The following VAC14 variants were observed in gnomAD, a reference collection of about 807,000 sequenced individuals.
VAC14 encodes the protein protein VAC14 homolog.
In VAC14, 47 loss-of-function variants were observed where a neutral mutation model predicts 85.3. The observed-to-expected ratio is 0.55, with a 90% confidence interval of 0.44 to 0.70. VAC14 has a LOEUF of 0.70. Ranked by LOEUF, VAC14 falls within the 30% of genes least tolerant of loss-of-function variation. The probability of loss-of-function intolerance (pLI) is 0.00; values close to 1 mark genes in which losing one functional copy is unlikely to be tolerated. For synonymous variants in VAC14, 447 were observed against 430.5 expected, an observed-to-expected ratio of 1.04 and a Z score of -0.47; for missense variants, 861 against 1,004.3, an observed-to-expected ratio of 0.86 and a Z score of 1.93.
chr16:70,730,121 A>G (rs2054546738), intron 14 of VAC14, among the ~76,000 whole-genome samples: 1 of 151,812 alleles, frequency 6.6e-6, no homozygotes, highest in African/African-American at 2.4e-5. Context: ...TCACCAGACA[A>G]ATCTACTTCC....
chr16:70,786,328 G>C lies in VAC14; in HGVS notation c.142C>G (p.Gln48Glu). 6.2e-7 allele frequency: 1 copy of C among 1,614,220 alleles called. No homozygotes were observed. Among genetic ancestry groups the C allele is most frequent in the Non-Finnish European group, 8.5e-7 (1 of 1,180,048 alleles). Reference protein sequence around the residue: ...REFVAQNNTVQIKHVIQTLSQ... With the variant: ...REFVAQNNTVEIKHVIQTLSQ... ...AGGGTCTGGATCACATGCTTGATTT[G>C]CACGGTATTGTTCTGGGCCACGAAC... The change falls in exon 2 of 19, where the codon CAA (glutamine) becomes GAA (glutamate). Residue 48 changes from glutamine to glutamate, a missense_variant. Transcript: ENST00000261776.
chr16:70,764,543 C>T (rs562354764), intron 10 of VAC14, among the ~76,000 whole-genome samples: 4 of 152,266 alleles, frequency 2.6e-5, no homozygotes, highest in African/African-American at 7.2e-5. Flanking sequence ...AGAAATACAA[C>T]GCAAGTCACA....
At chr16:70,700,009 C>T (rs1011849705) in intron 14 of VAC14, 1 of 152,120 alleles carries the variant, frequency 6.6e-6, no homozygotes, top group Non-Finnish European at 1.5e-5. Flanking sequence ...TGCTCAGTGA[C>T]GTGAGCCACA....
At chr16:70,735,103 G>A (rs926660563) in intron 13 of VAC14, among the ~76,000 whole-genome samples, 7 of 152,180 alleles carry the variant, frequency 4.6e-5, no homozygotes, top group African/African-American at 1.4e-4. Context: ...GAGGATGCAG[G>A]AAATGACGCT....
chr16:70,767,113 A>T (rs1411818324), intron 10 of VAC14, among the ~76,000 whole-genome samples: 1 of 152,188 alleles, frequency 6.6e-6, no homozygotes, highest in Non-Finnish European at 1.5e-5. Context: ...TTCATGGAGC[A>T]TTTTCTCATA....
At chr16:70,785,990 G>T in intron 2 of VAC14, 121 bp from the exon 3 acceptor site, 1 of 1,347,222 alleles carries the variant, frequency 7.4e-7, no homozygotes. Flanking sequence ...GTGAGGGCTG[G>T]GCTCAAAGAC....
chr16:70,784,645 A>G (rs1468527938), intron 4 of VAC14, 131 bp downstream of exon 4: 1 of 890,586 alleles, frequency 1.1e-6, no homozygotes, highest in Admixed American at 1.9e-5. Context: ...ACTGCACACC[A>G]GGGAGTACAT....
intron 13 of VAC14, among the ~76,000 whole-genome samples, chr16:70,741,539 C>G (rs1409840375): frequency 6.6e-6 from 1 of 152,238 alleles, no homozygotes; most frequent in African/African-American, 2.4e-5. Flanking sequence ...TGCTTGGAGC[C>G]TTGAGGCCCA....
chr16:70,700,771 G>A (rs1412325885), intron 14 of VAC14, among the ~76,000 whole-genome samples: 1 of 152,190 alleles, frequency 6.6e-6, no homozygotes, highest in Non-Finnish European at 1.5e-5. Context: ...TGTTCCAGAA[G>A]GGCAGGCACA....
intron 14 of VAC14, among the ~76,000 whole-genome samples, chr16:70,729,233 C>T (rs928864528): frequency 1.3e-5 from 2 of 152,304 alleles, no homozygotes; most frequent in African/African-American, 2.4e-5. Context: ...AAGAGCTATC[C>T]GGCTCCAATG....
chr16:70,707,359 G>T (rs2053940931), intron 14 of VAC14, among the ~76,000 whole-genome samples: 1 of 152,246 alleles, frequency 6.6e-6, no homozygotes, highest in Non-Finnish European at 1.5e-5. Flanking sequence ...GTGGGAGGAG[G>T]AGGAGGATGC....
At chr16:70,739,355 T>C (rs1265390299) in intron 13 of VAC14, among the ~76,000 whole-genome samples, 2 of 152,254 alleles carry the variant, frequency 1.3e-5, no homozygotes, top group East Asian at 3.9e-4. Context: ...CTGGTGTGGC[T>C]GGAGGAAGTG....
intron 13 of VAC14, 112 bp from the exon 14 acceptor site, chr16:70,731,739 T>C: frequency 8.5e-7 from 1 of 1,179,258 alleles, no homozygotes; most frequent in Non-Finnish European, 1.1e-6. Context: ...GTGTGGGGGG[T>C]GTTATAACAA....
chr16:70,728,515 G>C (rs2054495622), intron 14 of VAC14, among the ~76,000 whole-genome samples: 1 of 152,226 alleles, frequency 6.6e-6, no homozygotes, highest in Admixed American at 6.5e-5. Context: ...AGCAAGCAAA[G>C]CCTCCCTGGC....
chr16:70,722,322 G>T (rs2054314430), intron 14 of VAC14, among the ~76,000 whole-genome samples: 1 of 152,088 alleles, frequency 6.6e-6, no homozygotes, highest in African/African-American at 2.4e-5. Context: ...CTGTGCCATG[G>T]GTCCCCCAGG....
chr16:70,776,273 T>A (rs1020691738), intron 9 of VAC14, among the ~76,000 whole-genome samples: 5 of 152,164 alleles, frequency 3.3e-5, no homozygotes, highest in Admixed American at 3.3e-4. Flanking sequence ...GCTAATTTTT[T>A]AAAATTATTA....
At chr16:70,688,348 G>T in intron 18 of VAC14, 1 of 1,148,324 alleles carries the variant, frequency 8.7e-7, no homozygotes, top group Non-Finnish European at 1.1e-6. Context: ...TGGCGATGGC[G>T]CCCAGAGCAG....
At chr16:70,789,511 T>C (rs758779439) in intron 1 of VAC14, among the ~76,000 whole-genome samples, 11 of 152,194 alleles carry the variant, frequency 7.2e-5, no homozygotes, top group Non-Finnish European at 1.3e-4. Context: ...TCTGGGGCAT[T>C]GGTGGTTCAG....
intron 14 of VAC14, among the ~76,000 whole-genome samples, chr16:70,717,582 C>T (rs1241056817): frequency 6.6e-6 from 1 of 152,202 alleles, no homozygotes; most frequent in South Asian, 2.1e-4. Context: ...CTGCACAGAA[C>T]TGGACAAGAG....
Sources: gnomAD v4.1 joint callset for allele counts (sites outside exome capture counted in the v4.1 genomes callset) on GRCh38, gnomAD v4.1.1 for gene constraint, MANE v1.5 for transcripts, NCBI Gene and HGNC (gene_info 2026-07-23, HGNC 2026-07-21) for gene names.